FOXJ3: variants seen among roughly 807,000 people sequenced by gnomAD.
FOXJ3 encodes the protein forkhead box protein J3.
A neutral mutation model predicts 76.1 loss-of-function variants in FOXJ3; 22 were observed. That is an observed-to-expected ratio of 0.29 (90% CI 0.21 to 0.41). The LOEUF (loss-of-function observed/expected upper bound fraction) is 0.41, where lower values mean the gene tolerates loss of function less well. Among genes scored for constraint, FOXJ3 ranks in the 10% least tolerant of loss-of-function variants. FOXJ3 has a pLI of 1.00. For missense variants in FOXJ3, 613 were observed against 762.1 expected, an observed-to-expected ratio of 0.80 and a Z score of 2.30; for synonymous variants, 269 against 261.2, an observed-to-expected ratio of 1.03 and a Z score of -0.29.
chr1:42,216,223 T>C (rs1467017160), intron 5 of FOXJ3, among the ~76,000 whole-genome samples: 2 of 151,752 alleles, frequency 1.3e-5, no homozygotes, highest in African/African-American at 2.4e-5. Flanking sequence ...TGGCTAAATA[T>C]AAAAGACTAC....
intron 8 of FOXJ3, among the ~76,000 whole-genome samples, chr1:42,193,227 C>G (rs1161961709): frequency 2.0e-5 from 3 of 151,962 alleles, no homozygotes; most frequent in Non-Finnish European, 4.4e-5. Context: ...CCTGCAGTCC[C>G]TAAGATCTTT....
chr1:42,182,728 C>A (rs1261180452), intron 11 of FOXJ3, among the ~76,000 whole-genome samples: 1 of 151,042 alleles, frequency 6.6e-6, no homozygotes, highest in Non-Finnish European at 1.5e-5. Context: ...AAACTCCTGA[C>A]CTCAAGTGAT....
intron 4 of FOXJ3, among the ~76,000 whole-genome samples, chr1:42,262,496 T>C (rs1431396024): frequency 1.3e-5 from 2 of 152,196 alleles, no homozygotes; most frequent in Non-Finnish European, 2.9e-5. Flanking sequence ...ATAAATGTAT[T>C]TTATAAGACC....
intron 2 of FOXJ3, among the ~76,000 whole-genome samples, chr1:42,281,212 T>C (rs557362472): frequency 6.6e-6 from 1 of 151,670 alleles, no homozygotes; most frequent in Non-Finnish European, 1.5e-5. Flanking sequence ...AAAAATAAAA[T>C]AAAATAAAAA....
chr1:42,286,654 G>A (rs1367826678), intron 2 of FOXJ3, among the ~76,000 whole-genome samples: 1 of 151,784 alleles, frequency 6.6e-6, no homozygotes, highest in Admixed American at 6.6e-5. Flanking sequence ...TCTTTTTTGA[G>A]ACGGAGTTTC....
intron 1 of FOXJ3, among the ~76,000 whole-genome samples, chr1:42,316,373 G>C (rs1655114339): frequency 9.8e-6 from 1 of 102,160 alleles, no homozygotes; most frequent in Non-Finnish European, 1.9e-5. Flanking sequence ...GTCTTGCTGT[G>C]TTGTCCAAAC....
chr1:42,263,810 G>A (rs1651247477), intron 4 of FOXJ3, among the ~76,000 whole-genome samples: 1 of 151,452 alleles, frequency 6.6e-6, no homozygotes, highest in African/African-American at 2.4e-5. Context: ...CACTGTGCAA[G>A]CAACTGGGTC....
chr1:42,209,732 C>T (rs1038627610), intron 5 of FOXJ3, among the ~76,000 whole-genome samples: 1 of 152,190 alleles, frequency 6.6e-6, no homozygotes, highest in African/African-American at 2.4e-5. Context: ...TCCCAGACTC[C>T]AGCAGGCCCG....
chr1:42,334,512 CCAG>C (rs1460852626), intron 1 of FOXJ3, among the ~76,000 whole-genome samples: 1 of 152,138 alleles, frequency 6.6e-6, no homozygotes, highest in Non-Finnish European at 1.5e-5. Context: ...TGCCCTAATC[CCAG>C]CAAAGGACAC....
At chr1:42,185,834 T>C (rs913783732) in intron 11 of FOXJ3, among the ~76,000 whole-genome samples, 1 of 152,046 alleles carries the variant, frequency 6.6e-6, no homozygotes, top group Non-Finnish European at 1.5e-5. Context: ...CCTTCCACAC[T>C]AGCACACTAC....
At chr1:42,261,918 C>T (rs1651069679) in intron 4 of FOXJ3, among the ~76,000 whole-genome samples, 1 of 152,180 alleles carries the variant, frequency 6.6e-6, no homozygotes, top group South Asian at 2.1e-4. Flanking sequence ...ATTTTGGTCT[C>T]CCTCTCAAGG....
chr1:42,188,751 T>C lies in FOXJ3; in HGVS notation c.1631A>G (p.Gln544Arg), dbSNP rs757819651. ...TAACCCCATACCTGTTCCAATGTGT[T>C]GGGAAGGTTTTGTTGGATGCATGGC... The part of the protein sequence containing the change: ...HGAMHPTKPS[Q>R]HIGTGNLYID... The change falls in exon 11 of 13, where the codon CAA becomes CGA. Residue 544 changes from glutamine to arginine, a missense_variant. By Grantham distance (43) the Gln-to-Arg change is conservative. Transcript: ENST00000361346. 189 of 1,600,098 alleles carry C rather than the reference T, an allele frequency of 1.2e-4. 1 individual carries two copies. The highest frequency in any genetic ancestry group is 1.6e-4 in the Non-Finnish European group (187 of 1,172,282).
At position 42,217,283 on chromosome 1, in the gene FOXJ3, C is replaced by T. The variant is rs768571698; in HGVS notation, c.528+10600G>A. Among the ~76,000 whole-genome samples the T allele has an allele frequency of 1.3e-5, 2 of 152,182 alleles. 1 individual carries two copies. Among genetic ancestry groups the T allele is most frequent in the African/African-American group, 4.8e-5 (2 of 41,434 alleles). ...CAGTGGCTCACTCCTGTAATCCCAG[C>T]ACTTTGGGAGGCCGAGGGTGGCGGA... On this transcript the variant is annotated intron_variant, in intron 5 of 12. Coordinates refer to ENST00000361346, the MANE Select transcript of FOXJ3 (RefSeq NM_014947.5).
At chr1:42,224,123 A>G (rs188111241) in intron 5 of FOXJ3, among the ~76,000 whole-genome samples, 65 of 152,350 alleles carry the variant, frequency 4.3e-4, no homozygotes, top group Non-Finnish European at 6.9e-4. Context: ...GAATTTAACA[A>G]CTTGCCAAAA....
intron 5 of FOXJ3, among the ~76,000 whole-genome samples, chr1:42,207,284 A>G (rs569215056): frequency 6.6e-6 from 1 of 152,246 alleles, no homozygotes; most frequent in African/African-American, 2.4e-5. Flanking sequence ...AGAATACGCA[A>G]TATTTGTCTT....
At chr1:42,237,053 C>T (rs982533643) in intron 4 of FOXJ3, among the ~76,000 whole-genome samples, 1 of 151,740 alleles carries the variant, frequency 6.6e-6, no homozygotes, top group Admixed American at 6.6e-5. Context: ...ATATCTTTTG[C>T]CCATGTTTTA....
At chr1:42,221,321 T>A (rs1227497981) in intron 5 of FOXJ3, among the ~76,000 whole-genome samples, 1 of 152,112 alleles carries the variant, frequency 6.6e-6, no homozygotes, top group African/African-American at 2.4e-5. Context: ...AAGCAAAGAA[T>A]AACATTAGAA....
intron 2 of FOXJ3, among the ~76,000 whole-genome samples, chr1:42,283,569 AT>A (rs1271202595): frequency 5.9e-5 from 9 of 152,214 alleles, no homozygotes; most frequent in Admixed American, 2.0e-4. Context: ...AATAAGAATA[AT>A]GAGGGTAACA....
chr1:42,209,376 T>C (rs772264851), intron 5 of FOXJ3, among the ~76,000 whole-genome samples: 3 of 152,192 alleles, frequency 2.0e-5, no homozygotes, highest in African/African-American at 4.8e-5. Context: ...GTGTAGAGAT[T>C]CATGCTGTGA....
Sources: allele counts gnomAD v4.1 joint callset (sites outside exome capture counted in the v4.1 genomes callset), GRCh38; gene constraint gnomAD v4.1.1; transcripts MANE v1.5; gene names NCBI Gene and HGNC (gene_info 2026-07-23, HGNC 2026-07-21).